Variants in SGCZ observed in about 807,000 individuals in gnomAD.
The protein encoded by SGCZ is sarcoglycan zeta, also known as zeta-sarcoglycan.
In SGCZ, 40 loss-of-function variants were observed where a neutral mutation model predicts 41.3. The ratio of observed to expected loss-of-function variants is 0.97; its 90% confidence interval spans 0.75 to 1.26. The LOEUF is 1.26. SGCZ is among the 50% of genes most tolerant of loss of function. SGCZ has a pLI of 0.00. For synonymous variants in SGCZ, 206 were observed against 137.5 expected, an observed-to-expected ratio of 1.50 and a Z score of -3.49; for missense variants, 552 against 369.8, an observed-to-expected ratio of 1.49 and a Z score of -4.04.
chr8:14,346,310 A>G (rs977010836), intron 2 of SGCZ, among the ~76,000 whole-genome samples: 3 of 152,098 alleles, frequency 2.0e-5, no homozygotes, highest in Non-Finnish European at 4.4e-5. Flanking sequence ...TAGTATTTTA[A>G]TATCTTTGAG....
chr8:14,133,246 C>T (rs1803095967), intron 5 of SGCZ, among the ~76,000 whole-genome samples: 1 of 152,188 alleles, frequency 6.6e-6, no homozygotes, highest in South Asian at 2.1e-4. Context: ...TTCTGAACGT[C>T]CCAATTTCCC....
chr8:14,307,052 G>C (rs1013818817), intron 3 of SGCZ, among the ~76,000 whole-genome samples: 1 of 152,118 alleles, frequency 6.6e-6, no homozygotes, highest in Non-Finnish European at 1.5e-5. Flanking sequence ...AAATGGGAAA[G>C]AGAAAATGAA....
chr8:14,706,143 T>C (rs1306930047), intron 1 of SGCZ, among the ~76,000 whole-genome samples: 3 of 152,074 alleles, frequency 2.0e-5, no homozygotes, highest in Non-Finnish European at 4.4e-5. Flanking sequence ...TAGTCTTCAA[T>C]GAAATCTTAT....
intron 1 of SGCZ, among the ~76,000 whole-genome samples, chr8:14,660,524 T>C (rs1807713525): frequency 7.3e-6 from 1 of 137,304 alleles, no homozygotes; most frequent in African/African-American, 3.0e-5. Context: ...TGAGCCAACA[T>C]TCAGCCACTG....
intron 1 of SGCZ, among the ~76,000 whole-genome samples, chr8:15,049,523 C>T (rs1329774011): frequency 6.6e-6 from 1 of 152,112 alleles, no homozygotes; most frequent in Admixed American, 6.6e-5. Context: ...TAAAAGATTG[C>T]TCTGACTCTC....
In SGCZ at chr8:14,507,674, G is replaced by C. The variant is rs75552430; in HGVS notation, c.234+47058C>G. ...TCTTTGTCGATGTACTTTCTGCATGGAATGCAATTCTTCAAGTTTTCTATG... is the reference window on the plus strand; with the variant it reads ...TCTTTGTCGATGTACTTTCTGCATGCAATGCAATTCTTCAAGTTTTCTATG... On this transcript the variant is annotated intron_variant, in intron 2 of 7. Coordinates refer to ENST00000382080, the MANE Select transcript of SGCZ (RefSeq NM_139167.4). Among the ~76,000 whole-genome samples, 1,429 of 152,156 alleles carry C rather than the reference G, an allele frequency of 9.4e-3. 26 individuals carry two copies. Among genetic ancestry groups the C allele is most frequent in the African/African-American group, 0.032 (1,325 of 41,492 alleles).
chr8:14,186,163 A>G (rs895197157), intron 4 of SGCZ, among the ~76,000 whole-genome samples: 2 of 152,226 alleles, frequency 1.3e-5, no homozygotes, highest in African/African-American at 4.8e-5. Context: ...TGACAATGTG[A>G]AAGCTTGGCT....
intron 1 of SGCZ, among the ~76,000 whole-genome samples, chr8:14,668,008 G>A (rs1807971483): frequency 6.6e-6 from 1 of 152,104 alleles, no homozygotes; most frequent in African/African-American, 2.4e-5. Context: ...CCAGGCTGTA[G>A]TGCAGTGGCA....
chr8:14,994,917 AC>A (rs1230238197), intron 1 of SGCZ, among the ~76,000 whole-genome samples: 2 of 152,196 alleles, frequency 1.3e-5, no homozygotes, highest in Non-Finnish European at 2.9e-5. Context: ...ATTCCTCAAC[AC>A]CTTTCCTGCC....
chr8:14,338,782 AT>A (rs1802591122), intron 2 of SGCZ, among the ~76,000 whole-genome samples: 1 of 152,148 alleles, frequency 6.6e-6, no homozygotes, highest in African/African-American at 2.4e-5. Context: ...GGGGTTTTAA[AT>A]TGCCAATTTG....
At chr8:14,677,941 G>C (rs2117530925) in intron 1 of SGCZ, among the ~76,000 whole-genome samples, 1 of 152,260 alleles carries the variant, frequency 6.6e-6, no homozygotes, top group Middle Eastern at 3.4e-3. Flanking sequence ...ATATGGTACT[G>C]GTGAAATAAT....
At chr8:15,146,672 G>C (rs891606196) in intron 1 of SGCZ, among the ~76,000 whole-genome samples, 1 of 152,184 alleles carries the variant, frequency 6.6e-6, no homozygotes. Context: ...ACCTCTGTGA[G>C]CATGGGGAAG....
intron 3 of SGCZ, among the ~76,000 whole-genome samples, chr8:14,308,798 A>G (rs947523146): frequency 6.6e-6 from 1 of 152,150 alleles, no homozygotes; most frequent in Non-Finnish European, 1.5e-5. Flanking sequence ...AATATCAGAA[A>G]CAGTGATGGT....
chr8:14,090,604 T>G lies in SGCZ; in HGVS notation c.778A>C (p.Asn260His), dbSNP rs548012398. Residue 260 changes from asparagine to histidine, a missense_variant, in exon 8 of 8, where the codon AAT becomes CAT. By Grantham distance (68) the Asn-to-His change is moderately conservative (BLOSUM62 1). Transcript: ENST00000382080. Reference sequence around the variant, plus strand: ...GATGAGAAGGAGCCAGTTGGTAGATTTCCCAGCTTGATTGTCTCTGCATTT... The same window carrying G: ...GATGAGAAGGAGCCAGTTGGTAGATGTCCCAGCTTGATTGTCTCTGCATTT... Reference protein sequence around the residue: ...FLNAETIKLGNLPTGSFSSSS... With the variant: ...FLNAETIKLGHLPTGSFSSSS... 1 of 1,612,258 alleles carries G rather than the reference T, an allele frequency of 6.2e-7. No homozygotes were observed. The highest frequency in any genetic ancestry group is 1.3e-5 in the African/African-American group (1 of 74,892).
intron 2 of SGCZ, among the ~76,000 whole-genome samples, chr8:14,417,102 C>G (rs1033713776): frequency 1.3e-5 from 2 of 151,734 alleles, no homozygotes; most frequent in African/African-American, 2.4e-5. Flanking sequence ...ATTCTATGCT[C>G]AACCTGTTTC....
chr8:14,833,486 T>C (rs1249819358), intron 1 of SGCZ, among the ~76,000 whole-genome samples: 2 of 152,174 alleles, frequency 1.3e-5, no homozygotes, highest in Non-Finnish European at 2.9e-5. Flanking sequence ...AGCATGAGGT[T>C]GAAATATCTG....
chr8:14,254,384 G>A (rs184649933), intron 3 of SGCZ, among the ~76,000 whole-genome samples: 8 of 152,324 alleles, frequency 5.3e-5, no homozygotes, highest in Admixed American at 1.3e-4. Context: ...CAAATCAAAT[G>A]GTGCCCTGCA....
intron 1 of SGCZ, among the ~76,000 whole-genome samples, chr8:14,730,824 G>A (rs1810213544): frequency 6.6e-6 from 1 of 151,764 alleles, no homozygotes; most frequent in African/African-American, 2.4e-5. Flanking sequence ...TGAACAAAAT[G>A]AGAAAGAATG....
At chr8:15,167,974 A>T (rs1799714468) in intron 1 of SGCZ, among the ~76,000 whole-genome samples, 1 of 152,184 alleles carries the variant, frequency 6.6e-6, no homozygotes, top group Admixed American at 6.5e-5. Flanking sequence ...GGAAAGTAAG[A>T]CCAAGGGAGC....
Sources: gnomAD v4.1 joint callset for allele counts (sites outside exome capture counted in the v4.1 genomes callset) on GRCh38, gnomAD v4.1.1 for gene constraint, MANE v1.5 for transcripts, NCBI Gene and HGNC (gene_info 2026-07-23, HGNC 2026-07-21) for gene names.